Variants in TNFAIP8 observed in about 807,000 individuals in gnomAD.
TNFAIP8 encodes tumor necrosis factor alpha-induced protein 8.
In TNFAIP8, 7 loss-of-function variants were observed where a neutral mutation model predicts 13.3. The observed-to-expected ratio is 0.52, with a 90% CI of 0.30 to 0.99. The LOEUF (loss-of-function observed/expected upper bound fraction) is 0.99, where lower values mean the gene tolerates loss of function less well. TNFAIP8 is among the 50% of genes least tolerant of loss of function. The pLI, the probability that TNFAIP8 is intolerant of heterozygous loss-of-function variation, is 0.07. For missense variants in TNFAIP8, 258 were observed against 236.9 expected, an observed-to-expected ratio of 1.09 and a Z score of -0.58; for synonymous variants, 94 against 87.6, an observed-to-expected ratio of 1.07 and a Z score of -0.41.
chr5:119,312,745 C>CAAAAAAAAA (rs869226026), intron 1 of TNFAIP8, among the ~76,000 whole-genome samples: 1,690 of 41,362 alleles, frequency 0.041, no homozygotes, highest in Middle Eastern at 0.062. Context: ...GCAAAAAATA[C>CAAAAAAAAA]AAAAAAAAAA....
At chr5:119,307,129 T>C (rs35981322) in intron 1 of TNFAIP8, among the ~76,000 whole-genome samples, 13,310 of 152,202 alleles carry the variant, frequency 0.087, 1,502 homozygotes, top group African/African-American at 0.26. Flanking sequence ...ACTTTGAACA[T>C]CAGTTCATAT....
At chr5:119,374,214 A>T (rs1002343744) in intron 1 of TNFAIP8, among the ~76,000 whole-genome samples, 2 of 151,982 alleles carry the variant, frequency 1.3e-5, no homozygotes, top group Non-Finnish European at 2.9e-5. Flanking sequence ...AGATTTTTGG[A>T]ATATTTGCAT....
At chr5:119,324,049 A>C (rs1218836954) in intron 1 of TNFAIP8, among the ~76,000 whole-genome samples, 5 of 152,060 alleles carry the variant, frequency 3.3e-5, no homozygotes, top group Admixed American at 6.6e-5. Flanking sequence ...TGACTCTAAA[A>C]AAGAATAGAG....
chr5:119,333,310 T>C, intron 1 of TNFAIP8: 3 of 1,189,566 alleles, frequency 2.5e-6, no homozygotes, highest in Non-Finnish European at 3.1e-6. Context: ...GACTCACAAT[T>C]AAAGGCTACC....
intron 1 of TNFAIP8, among the ~76,000 whole-genome samples, chr5:119,337,450 T>G (rs923166301): frequency 2.0e-5 from 3 of 152,332 alleles, no homozygotes; most frequent in Non-Finnish European, 2.9e-5. Context: ...ACCTCTGTGG[T>G]CTTTTGGTTT....
intron 1 of TNFAIP8, among the ~76,000 whole-genome samples, chr5:119,293,199 A>G (rs1054387437): frequency 6.6e-5 from 10 of 151,862 alleles, no homozygotes; most frequent in Non-Finnish European, 1.0e-4. Context: ...CTTTTTTTTC[A>G]TATGTGGTGC....
At chr5:119,307,927 A>C (rs1259145324) in intron 1 of TNFAIP8, among the ~76,000 whole-genome samples, 3 of 152,156 alleles carry the variant, frequency 2.0e-5, no homozygotes, top group Non-Finnish European at 4.4e-5. Flanking sequence ...TGTCCTTTGG[A>C]GTCTGCACAT....
chr5:119,278,360 A>AGT (rs1748521093), intron 1 of TNFAIP8, among the ~76,000 whole-genome samples: 1 of 132,696 alleles, frequency 7.5e-6, no homozygotes, highest in South Asian at 2.5e-4. Flanking sequence ...GGGGAGAGAG[A>AGT]GAGAGAGAGA....
chr5:119,391,289 C>G (rs1752880931), intron 1 of TNFAIP8: 1 of 678,600 alleles, frequency 1.5e-6, no homozygotes, highest in African/African-American at 1.8e-5. Flanking sequence ...TCATTGATGC[C>G]TTGACTCATT....
upstream of TNFAIP8, among the ~76,000 whole-genome samples, chr5:119,351,741 G>A (rs1300173965): frequency 1.3e-5 from 2 of 149,818 alleles, no homozygotes; most frequent in Non-Finnish European, 3.0e-5. Flanking sequence ...TTCAATTCTA[G>A]TATATACAAT....
At chr5:119,305,401 A>G (rs4895365) in intron 1 of TNFAIP8, among the ~76,000 whole-genome samples, 26,844 of 152,184 alleles carry the variant, frequency 0.18, 2,901 homozygotes, top group Non-Finnish European at 0.24. Flanking sequence ...ATGTAGATGC[A>G]TTTTATTTGA....
chr5:119,377,433 G>T (rs993194821), intron 1 of TNFAIP8, among the ~76,000 whole-genome samples: 2 of 152,038 alleles, frequency 1.3e-5, no homozygotes, highest in African/African-American at 4.8e-5. Context: ...ATAAAAATTT[G>T]TTGGAGAAAG....
chr5:119,336,145 T>G (rs1233557182), intron 1 of TNFAIP8, among the ~76,000 whole-genome samples: 1 of 152,132 alleles, frequency 6.6e-6, no homozygotes, highest in Non-Finnish European at 1.5e-5. Flanking sequence ...TGGGACCTTG[T>G]GGACAGTTAT....
chr5:119,314,191 AAAC>A (rs762534941), intron 1 of TNFAIP8, among the ~76,000 whole-genome samples: 4 of 151,932 alleles, frequency 2.6e-5, no homozygotes, highest in Non-Finnish European at 5.9e-5. Flanking sequence ...ACAAACAAAC[AAAC>A]AAACAAACAA....
intron 1 of TNFAIP8, among the ~76,000 whole-genome samples, chr5:119,382,280 G>A (rs1468147446): frequency 6.6e-6 from 1 of 152,162 alleles, no homozygotes; most frequent in Non-Finnish European, 1.5e-5. Context: ...ATTTTTACAT[G>A]TTCCTGTTAC....
chr5:119,359,349 C>T (rs984113105), intron 1 of TNFAIP8, among the ~76,000 whole-genome samples: 10 of 152,128 alleles, frequency 6.6e-5, no homozygotes, highest in Admixed American at 1.3e-4. Flanking sequence ...AACTCAGATC[C>T]CCTGTCGCCC....
chr5:119,294,267 A>G (rs962155629), intron 1 of TNFAIP8, among the ~76,000 whole-genome samples: 9 of 145,194 alleles, frequency 6.2e-5, no homozygotes, highest in South Asian at 4.3e-4. Context: ...TCATTGTTCA[A>G]TTCCCACCTA....
chr5:119,353,743 T>C (rs1751272239), upstream of TNFAIP8, among the ~76,000 whole-genome samples: 1 of 152,262 alleles, frequency 6.6e-6, no homozygotes, highest in Non-Finnish European at 1.5e-5. Context: ...TTATGTGGTT[T>C]GTCCCCAGTT....
upstream of TNFAIP8, among the ~76,000 whole-genome samples, chr5:119,352,490 G>C (rs1751206327): frequency 1.3e-5 from 2 of 152,160 alleles, no homozygotes; most frequent in East Asian, 3.9e-4. Flanking sequence ...TCCATAACTA[G>C]TTTACAGAGG....
Sources: allele counts gnomAD v4.1 joint callset (sites outside exome capture counted in the v4.1 genomes callset), GRCh38; gene constraint gnomAD v4.1.1; transcripts MANE v1.5; gene names NCBI Gene and HGNC (gene_info 2026-07-23, HGNC 2026-07-21).